TANC2: variants seen among roughly 807,000 people sequenced by gnomAD.
TANC2 encodes tetratricopeptide repeat, ankyrin repeat and coiled-coil containing 2, also known as protein TANC2.
Under a neutral mutation model 210.5 loss-of-function variants are expected in TANC2, and 26 were observed. The observed-to-expected ratio is 0.12, with a 90% CI of 0.09 to 0.17. The LOEUF (loss-of-function observed/expected upper bound fraction) is 0.17. Ranked by LOEUF, TANC2 falls within the 10% of genes least tolerant of loss-of-function variation. The pLI, the probability that TANC2 is intolerant of heterozygous loss-of-function variation, is 1.00. For synonymous variants in TANC2, 931 were observed against 967.1 expected, an observed-to-expected ratio of 0.96 and a Z score of 0.69; for missense variants, 2,129 against 2,608.9, an observed-to-expected ratio of 0.82 and a Z score of 4.01.
At chr17:63,311,173 G>T (rs547877582) in intron 9 of TANC2, among the ~76,000 whole-genome samples, 7 of 152,242 alleles carry the variant, frequency 4.6e-5, no homozygotes, top group African/African-American at 1.7e-4. Flanking sequence ...ATATAGTAAA[G>T]GCTATTTCAT....
chr17:62,983,452 C>G (rs1186770101), intron 1 of TANC2, among the ~76,000 whole-genome samples: 2 of 151,856 alleles, frequency 1.3e-5, no homozygotes, highest in Non-Finnish European at 2.9e-5. Flanking sequence ...AATTTGGATG[C>G]CTTTTATTTC....
intron 4 of TANC2, among the ~76,000 whole-genome samples, chr17:63,139,804 A>G (rs1186051552): frequency 6.6e-6 from 1 of 152,158 alleles, no homozygotes; most frequent in Non-Finnish European, 1.5e-5. Context: ...CTCAGGAGGC[A>G]GAGGTAGGAG....
intron 2 of TANC2, among the ~76,000 whole-genome samples, chr17:63,015,910 G>A (rs1382658698): frequency 6.6e-6 from 1 of 151,268 alleles, no homozygotes; most frequent in African/African-American, 2.4e-5. Flanking sequence ...ACGCTTCTTT[G>A]AGTCAAGTAA....
intron 7 of TANC2, among the ~76,000 whole-genome samples, chr17:63,218,802 G>C (rs2042091402): frequency 6.6e-6 from 1 of 152,056 alleles, no homozygotes; most frequent in South Asian, 2.1e-4. Flanking sequence ...GCTGAGACAG[G>C]AGAATCGCTA....
chr17:63,290,180 T>C (rs553425626), intron 9 of TANC2, among the ~76,000 whole-genome samples: 2 of 152,314 alleles, frequency 1.3e-5, no homozygotes, highest in South Asian at 4.1e-4. Flanking sequence ...CTTCAGTATT[T>C]ACTGTGAGAA....
chr17:63,242,243 A>G (rs947787012), intron 8 of TANC2, among the ~76,000 whole-genome samples: 1 of 152,134 alleles, frequency 6.6e-6, no homozygotes, highest in Non-Finnish European at 1.5e-5. Context: ...GTACTCCTAT[A>G]AAAGCCCGAT....
intron 7 of TANC2, among the ~76,000 whole-genome samples, chr17:63,222,081 C>G (rs1050704922): frequency 2.0e-5 from 3 of 152,148 alleles, no homozygotes. Context: ...ATGGGAAGTC[C>G]TGGATCAAGG....
At chr17:63,290,501 A>G (rs1034709691) in intron 9 of TANC2, among the ~76,000 whole-genome samples, 2 of 152,136 alleles carry the variant, frequency 1.3e-5, no homozygotes, top group Admixed American at 6.6e-5. Flanking sequence ...AGCTCCTTAC[A>G]TGTGAAACTG....
intron 4 of TANC2, among the ~76,000 whole-genome samples, chr17:63,114,159 A>G (rs1325071725): frequency 6.6e-6 from 1 of 152,196 alleles, no homozygotes; most frequent in African/African-American, 2.4e-5. Flanking sequence ...ACCTTTTTCA[A>G]ATGTTACAAT....
At chr17:63,168,985 G>A (rs750149886) in intron 5 of TANC2, among the ~76,000 whole-genome samples, 1 of 152,118 alleles carries the variant, frequency 6.6e-6, no homozygotes. Context: ...AGCTATACCC[G>A]GAGGATTCAT....
intron 2 of TANC2, among the ~76,000 whole-genome samples, chr17:63,032,433 C>T (rs1344188952): frequency 6.6e-6 from 1 of 151,954 alleles, no homozygotes; most frequent in African/African-American, 2.4e-5. Context: ...TTTTAAAGGG[C>T]ACTTCCCAGA....
chr17:63,079,277 T>G (rs1568367067), intron 3 of TANC2, among the ~76,000 whole-genome samples: 1 of 152,202 alleles, frequency 6.6e-6, no homozygotes, highest in East Asian at 1.9e-4. Flanking sequence ...TGTTTGTTCC[T>G]GGTGTGTAGC....
At chr17:63,377,074 G>A (rs1269840886) in intron 14 of TANC2, among the ~76,000 whole-genome samples, 1 of 152,166 alleles carries the variant, frequency 6.6e-6, no homozygotes, top group Non-Finnish European at 1.5e-5. Flanking sequence ...AGCCACAGCT[G>A]GAACGCAAGA....
At chr17:63,083,261 A>T (rs929464749) in intron 3 of TANC2, among the ~76,000 whole-genome samples, 1 of 152,150 alleles carries the variant, frequency 6.6e-6, no homozygotes, top group African/African-American at 2.4e-5. Context: ...CTTCATCCAG[A>T]CCAAGTGATG....
At chr17:63,210,813 T>G (rs2041862458) in intron 7 of TANC2, among the ~76,000 whole-genome samples, 1 of 152,232 alleles carries the variant, frequency 6.6e-6, no homozygotes, top group Non-Finnish European at 1.5e-5. Context: ...AACTACTGTT[T>G]CTATGTATTA....
At chr17:63,341,462 A>G (rs912135541) in intron 12 of TANC2, among the ~76,000 whole-genome samples, 1 of 152,334 alleles carries the variant, frequency 6.6e-6, no homozygotes, top group Middle Eastern at 3.4e-3. Flanking sequence ...CCATAGCATC[A>G]TATCTATAAT....
chr17:63,358,379 ATGTGTGTGTGTGTGTGTGTG>A (rs375498280), intron 14 of TANC2, among the ~76,000 whole-genome samples: 1 of 139,540 alleles, frequency 7.2e-6, no homozygotes, highest in Non-Finnish European at 1.5e-5. Context: ...GAGAGAGAGT[ATGTGTGTGTGTGTGTGTGTG>A]TGTGTGTGTG....
At chr17:63,242,369 T>A (rs1238770171) in intron 8 of TANC2, among the ~76,000 whole-genome samples, 1 of 151,876 alleles carries the variant, frequency 6.6e-6, no homozygotes, top group Non-Finnish European at 1.5e-5. Context: ...AGGTTAATAT[T>A]TCTGATTCTT....
chr17:62,986,092 G>A (rs1325856554), intron 1 of TANC2, among the ~76,000 whole-genome samples: 1 of 152,192 alleles, frequency 6.6e-6, no homozygotes, highest in Non-Finnish European at 1.5e-5. Context: ...AGATGCTGTA[G>A]TGTAGTGTCC....
Sources: gnomAD v4.1 joint callset for allele counts (sites outside exome capture counted in the v4.1 genomes callset) on GRCh38, gnomAD v4.1.1 for gene constraint, MANE v1.5 for transcripts, NCBI Gene and HGNC (gene_info 2026-07-23, HGNC 2026-07-21) for gene names.